Variants in NAV1 observed in about 807,000 individuals in gnomAD.
NAV1 encodes neuron navigator 1.
NAV1 carries 18 observed loss-of-function variants against 175.2 expected under a neutral mutation model. That is an observed-to-expected ratio of 0.10 (90% CI 0.07 to 0.15). The LOEUF (loss-of-function observed/expected upper bound fraction) is 0.15. Among genes scored for constraint, NAV1 ranks in the 10% least tolerant of loss-of-function variants. NAV1 has a pLI of 1.00. For missense variants in NAV1, 1,731 were observed against 2,436.6 expected, an observed-to-expected ratio of 0.71 and a Z score of 6.10; for synonymous variants, 897 against 978.7, an observed-to-expected ratio of 0.92 and a Z score of 1.56.
rs570340907 is a variant in NAV1 at position 201,627,760 on chromosome 1, C to G, written c.-100-1644C>G. On this transcript the variant is annotated intron_variant, in intron 1 of 29. Transcript: ENST00000367302. ...TGTTGCATCCCCTACTTCAAAATCC[C>G]AGGTCCATTCTAATTTCTTCCAAGA... 1.2e-3 allele frequency among the ~76,000 whole-genome samples: 182 copies of G among 152,198 alleles called. 1 individual carries two copies. Among genetic ancestry groups the G allele is most frequent in the African/African-American group, 4.2e-3 (173 of 41,534 alleles).
chr1:201,574,433 C>T (rs1030367451), intron 1 of NAV1, among the ~76,000 whole-genome samples: 1 of 152,102 alleles, frequency 6.6e-6, no homozygotes, highest in Non-Finnish European at 1.5e-5. Flanking sequence ...GCAGAAGGAG[C>T]AGCATGAACC....
At position 201,670,937 on chromosome 1, in the gene NAV1, C is replaced by T. The variant is rs147851646; in HGVS notation, c.757+21512C>T. On this transcript the variant is annotated intron_variant, in intron 1 of 29. Coordinates refer to ENST00000367296, the Ensembl canonical transcript of NAV1. Reference sequence around the variant, plus strand: ...GCAGCAATGATGGTGGTAGAGATGACGGCAATGGTTTTGGTGCTGGTAGCA... The same window carrying T: ...GCAGCAATGATGGTGGTAGAGATGATGGCAATGGTTTTGGTGCTGGTAGCA... Among the ~76,000 whole-genome samples the T allele has an allele frequency of 3.5e-3, 534 of 152,172 alleles. 6 individuals are homozygous for T. The highest frequency in any genetic ancestry group is 0.011 in the African/African-American group (462 of 41,524).
intron 2 of NAV1, among the ~76,000 whole-genome samples, chr1:201,639,557 GAGA>G (rs763913066): frequency 3.3e-5 from 5 of 152,284 alleles, no homozygotes; most frequent in African/African-American, 1.2e-4. Flanking sequence ...GTCCAGCCCT[GAGA>G]AGAAGAAGCC....
Position 201,808,208 on chromosome 1 carries a change from A to T in NAV1, c.3845+59A>T. The T allele has an allele frequency of 6.3e-7, 1 of 1,581,206 alleles. No homozygotes were observed. Among genetic ancestry groups the T allele is most frequent in the Non-Finnish European group, 8.7e-7 (1 of 1,155,048 alleles). On this transcript the variant is annotated intron_variant, in intron 18 of 29. Transcript: ENST00000367296. The surrounding 1 kb of genome is among the most constrained non-coding windows in gnomAD (Gnocchi z 5.5). The stretch of plus-strand genomic sequence containing the variant: ...GTTACCAGTGTAAGCTGTGGGCTAG[A>T]GTTGACAGGAGGCCATTAGACCTTA...
intron 3 of NAV1, among the ~76,000 whole-genome samples, chr1:201,725,178 T>A (rs570674919): frequency 6.6e-6 from 1 of 152,164 alleles, no homozygotes; most frequent in South Asian, 2.1e-4. Context: ...GAGCACTGGG[T>A]TTATGTGGTT....
At chr1:201,631,449 C>A (rs918776218) in intron 2 of NAV1, among the ~76,000 whole-genome samples, 1 of 152,236 alleles carries the variant, frequency 6.6e-6, no homozygotes, top group East Asian at 1.9e-4. Flanking sequence ...AATCTACAAA[C>A]CATCAGTGAG....
At chr1:201,722,701 C>T (rs960835451) in intron 3 of NAV1, among the ~76,000 whole-genome samples, 4 of 152,010 alleles carry the variant, frequency 2.6e-5, no homozygotes, top group Admixed American at 1.3e-4. Flanking sequence ...ACCACCATAC[C>T]GTTTTCCACA....
At chr1:201,737,700 C>A (rs985433323) in intron 3 of NAV1, among the ~76,000 whole-genome samples, 4 of 152,154 alleles carry the variant, frequency 2.6e-5, no homozygotes, top group African/African-American at 4.8e-5. Flanking sequence ...TGTGCCTACC[C>A]CTTTCAGGCC....
At chr1:201,675,062 C>T (rs1363715006) in intron 1 of NAV1, among the ~76,000 whole-genome samples, 1 of 151,108 alleles carries the variant, frequency 6.6e-6, no homozygotes, top group South Asian at 2.1e-4. Flanking sequence ...CTCACTATGG[C>T]AAGGATGGCA....
At chr1:201,642,510 CCT>C (rs1491316825) in intron 2 of NAV1, among the ~76,000 whole-genome samples, 1 of 62,846 alleles carries the variant, frequency 1.6e-5, no homozygotes, top group Non-Finnish European at 3.2e-5. Flanking sequence ...CCGCACCCGG[CCT>C]CTTTCTTTCT....
chr1:201,799,698 A>G (rs1677720112), intron 15 of NAV1, among the ~76,000 whole-genome samples: 1 of 152,122 alleles, frequency 6.6e-6, no homozygotes, highest in African/African-American at 2.4e-5. Flanking sequence ...TGTCTCTACT[A>G]AAAATACAAA....
rs78205535 is a variant in NAV1 at position 201,634,044 on chromosome 1, C to T, written c.4+4537C>T. ...TTATAAGCACCTTTAATCCTTCTAACAACTGCATGAGGTTTGGAATCTAAC... is the reference window on the plus strand; with the variant it reads ...TTATAAGCACCTTTAATCCTTCTAATAACTGCATGAGGTTTGGAATCTAAC... On this transcript the variant is annotated intron_variant, in intron 2 of 29. Transcript: ENST00000367302. Among the ~76,000 whole-genome samples the T allele has an allele frequency of 7.4e-3, 1,131 of 152,298 alleles. 23 individuals are homozygous for T. The highest frequency in any genetic ancestry group is 0.026 in the African/African-American group (1,081 of 41,556).
chr1:201,629,860 G>A (rs1668436847), intron 2 of NAV1, among the ~76,000 whole-genome samples: 1 of 152,122 alleles, frequency 6.6e-6, no homozygotes, highest in Admixed American at 6.5e-5. Flanking sequence ...TGGAATTAGG[G>A]AGGCAGGCCA....
At chr1:201,815,310 G>A (rs1678958755) in intron 28 of NAV1, among the ~76,000 whole-genome samples, 1 of 152,172 alleles carries the variant, frequency 6.6e-6, no homozygotes, top group South Asian at 2.1e-4. Context: ...TGGAAGCTGA[G>A]GCGAGAGGAT....
chr1:201,771,843 T>A (rs1675610368), intron 3 of NAV1, among the ~76,000 whole-genome samples: 1 of 152,196 alleles, frequency 6.6e-6, no homozygotes, highest in Non-Finnish European at 1.5e-5. Flanking sequence ...TGAATTACAT[T>A]TTTGTATAGA....
At chr1:201,676,097 T>C (rs1480889622) in intron 1 of NAV1, among the ~76,000 whole-genome samples, 1 of 152,200 alleles carries the variant, frequency 6.6e-6, no homozygotes, top group Non-Finnish European at 1.5e-5. Context: ...TTCTGCTTCC[T>C]ACCCTATTGC....
chr1:201,721,154 T>C (rs1031900865), intron 3 of NAV1, among the ~76,000 whole-genome samples: 3 of 151,858 alleles, frequency 2.0e-5, no homozygotes, highest in Non-Finnish European at 4.4e-5. Flanking sequence ...TTGGGAAGCC[T>C]GGAGTTTGCA....
chr1:201,550,295 CTAAA>C (rs1665819059), intron 1 of NAV1, among the ~76,000 whole-genome samples: 1 of 152,088 alleles, frequency 6.6e-6, no homozygotes, highest in South Asian at 2.1e-4. Flanking sequence ...CCTCAGCCTC[CTAAA>C]CAGCTGGGAC....
intron 1 of NAV1, 67 bp downstream of exon 5, chr1:201,649,492 G>A: frequency 6.9e-7 from 1 of 1,443,088 alleles, no homozygotes; most frequent in Non-Finnish European, 9.1e-7. Context: ...GGGAAGGTGT[G>A]GGGAAAGCGA....
Sources: allele counts gnomAD v4.1 joint callset (sites outside exome capture counted in the v4.1 genomes callset), GRCh38; gene constraint gnomAD v4.1.1; non-coding constraint Gnocchi (gnomAD v3.1); transcripts MANE v1.5; gene names NCBI Gene and HGNC (gene_info 2026-07-23, HGNC 2026-07-21).